LTV1: variants seen among roughly 807,000 people sequenced by gnomAD.
LTV1 encodes protein LTV1 homolog.
A neutral mutation model predicts 59.9 loss-of-function variants in LTV1; 39 were observed. The ratio of observed to expected loss-of-function variants is 0.65; its 90% CI spans 0.50 to 0.85. The LOEUF (loss-of-function observed/expected upper bound fraction) is 0.85, where lower values mean the gene tolerates loss of function less well. LTV1 is among the 40% of genes least tolerant of loss of function. LTV1 has a pLI of 0.00. For synonymous variants in LTV1, 171 were observed against 189.5 expected, an observed-to-expected ratio of 0.90 and a Z score of 0.80; for missense variants, 493 against 549.1, an observed-to-expected ratio of 0.90 and a Z score of 1.02.
At chr6:143,860,096 TAAAAAA>T (rs532911369) in intron 6 of LTV1, among the ~76,000 whole-genome samples, 1 of 151,846 alleles carries the variant, frequency 6.6e-6, no homozygotes, top group South Asian at 2.1e-4. Context: ...GTGAGATACT[TAAAAAA>T]AAGAAAAAGT....
chr6:143,849,062 C>T (rs1399230251), intron 3 of LTV1, among the ~76,000 whole-genome samples: 1 of 152,120 alleles, frequency 6.6e-6, no homozygotes, highest in East Asian at 1.9e-4. Context: ...AAATTGAGAC[C>T]TGTCAGAAAC....
chr6:143,843,604 G>A, intron 1 of LTV1, 124 bp downstream of exon 1: 1 of 1,291,142 alleles, frequency 7.7e-7, no homozygotes, highest in East Asian at 2.4e-5. Context: ...CTTGCGGCAC[G>A]GTACCCCGAA....
intron 3 of LTV1, among the ~76,000 whole-genome samples, chr6:143,848,652 G>T (rs1474864874): frequency 6.6e-6 from 1 of 152,190 alleles, no homozygotes; most frequent in African/African-American, 2.4e-5. Context: ...TTTGGTCAAG[G>T]AGAGGAAACA....
intron 4 of LTV1, among the ~76,000 whole-genome samples, chr6:143,851,517 T>C (rs1217693686): frequency 6.6e-6 from 1 of 152,222 alleles, no homozygotes; most frequent in African/African-American, 2.4e-5. Context: ...TATAGATGTT[T>C]AATGGAACAT....
intron 4 of LTV1, among the ~76,000 whole-genome samples, chr6:143,853,770 T>C (rs1777028504): frequency 6.6e-6 from 1 of 152,348 alleles, no homozygotes; most frequent in African/African-American, 2.4e-5. Context: ...ATGGATTACG[T>C]TGAACCAGCC....
At position 143,862,851 on chromosome 6, in the gene LTV1, C is replaced by A; in HGVS notation, c.1071C>A (p.Tyr357Ter). ...TTTTATTTGTTTGTTTAGGTACATACTCAAATTTATATAACCATCCACAGC... is the reference window on the plus strand; with the variant it reads ...TTTTATTTGTTTGTTTAGGTACATAATCAAATTTATATAACCATCCACAGC... Reference protein sequence around the residue: ...KWDCESICSTYSNLYNHPQLI... With the variant: ...KWDCESICST The change falls in exon 9 of 11, where the codon TAC (tyrosine) becomes TAA (stop). Residue 357 changes from tyrosine (Y) to a stop codon, truncating the protein, a stop_gained. Transcript: ENST00000367576. LOFTEE classifies it high-confidence loss of function. The surrounding 1 kb of genome is among the most constrained non-coding windows in gnomAD (Gnocchi z 4.2). The A allele has an allele frequency of 6.3e-7, 1 of 1,577,020 alleles. No homozygotes were observed. Among genetic ancestry groups the A allele is most frequent in the Non-Finnish European group, 8.7e-7 (1 of 1,146,482 alleles).
intron 4 of LTV1, among the ~76,000 whole-genome samples, chr6:143,851,052 G>A (rs1012762756): frequency 6.6e-6 from 1 of 152,106 alleles, no homozygotes; most frequent in Non-Finnish European, 1.5e-5. Flanking sequence ...ACCAGAGGAT[G>A]TTCCAGACAG....
chr6:143,847,658 G>T (rs530401899), intron 3 of LTV1, among the ~76,000 whole-genome samples: 1 of 152,226 alleles, frequency 6.6e-6, no homozygotes, highest in Non-Finnish European at 1.5e-5. Context: ...ACCGCGCCCG[G>T]TCGTATAAGA....
intron 4 of LTV1, among the ~76,000 whole-genome samples, chr6:143,856,887 T>C (rs1777084523): frequency 6.6e-6 from 1 of 152,152 alleles, no homozygotes; most frequent in African/African-American, 2.4e-5. Flanking sequence ...ATGGGAGGTG[T>C]CTCCTAGGCA....
rs371450989 is a variant in LTV1 at position 143,843,491 on chromosome 6, C to T, written c.3+11C>T. 8.1e-6 allele frequency: 13 copies of T among 1,613,440 alleles called. No homozygotes were observed. The highest frequency in any genetic ancestry group is 1.3e-5 in the African/African-American group (1 of 74,946). ...CGCGGCTGCAGCATGGTGAGCAAGCCTTGCTTGTTTCGGCGGCCGAGCGCT... is the reference window on the plus strand; with the variant it reads ...CGCGGCTGCAGCATGGTGAGCAAGCTTTGCTTGTTTCGGCGGCCGAGCGCT... On this transcript the variant is annotated intron_variant, in intron 1 of 10. Coordinates refer to ENST00000367576, the MANE Select transcript of LTV1 (RefSeq NM_032860.5).
chr6:143,848,035 A>T (rs1440097058), intron 3 of LTV1, among the ~76,000 whole-genome samples: 1 of 152,250 alleles, frequency 6.6e-6, no homozygotes, highest in Admixed American at 6.5e-5. Flanking sequence ...GGCAAATGTC[A>T]TGTAGTTGAG....
intron 4 of LTV1, among the ~76,000 whole-genome samples, chr6:143,854,042 G>A (rs1490933429): frequency 2.0e-5 from 3 of 152,168 alleles, no homozygotes; most frequent in African/African-American, 7.2e-5. Context: ...GCTCCTCTCT[G>A]TACCTCTGGT....
intron 3 of LTV1, among the ~76,000 whole-genome samples, chr6:143,847,789 A>G (rs890578276): frequency 6.6e-6 from 1 of 152,246 alleles, no homozygotes; most frequent in Non-Finnish European, 1.5e-5. Flanking sequence ...TTGTATTTAA[A>G]AACAGAAGTG....
rs1306331672 is a variant in LTV1, at chr6:143,863,750, G to A, written c.*223G>A. 1 of 363,328 alleles carries A rather than the reference G, an allele frequency of 2.8e-6. No individual in the cohort carries two copies. The highest frequency in any genetic ancestry group is 4.2e-5 in the Admixed American group (1 of 23,902). 22.5% of individuals were successfully genotyped at this position (363,328 alleles called of 1,614,324 possible). On this transcript the variant is annotated 3_prime_UTR_variant, in exon 11 of 11. Transcript: ENST00000367576. The surrounding 1 kb of genome is among the most constrained non-coding windows in gnomAD (Gnocchi z 4.5). ...ATTATAAGCTTACATTTGCTCTGAA[G>A]TAAATGACTTCATGAATGTGAAATG...
rs1777105235 is a variant in LTV1, at chr6:143,857,881, C to T, written c.669C>T (p.His223=). Residue 223 remains histidine, a synonymous_variant, in exon 6 of 11, where the codon CAC becomes CAT. Transcript: ENST00000367576. The surrounding 1 kb of genome is among the most constrained non-coding windows in gnomAD (Gnocchi z 5.2). The stretch of plus-strand genomic sequence containing the variant: ...GTATGTCTGTGCCCGGAAAAACTCA[C>T]AGAGCTATAGCAGATCACTTGTTCT... The part of the protein sequence containing the change: ...EDCMSVPGKT[H]RAIADHLFWS... 3 of 1,614,102 alleles carry T rather than the reference C, an allele frequency of 1.9e-6. No homozygotes were observed. The highest frequency in any genetic ancestry group is 1.7e-6 in the Non-Finnish European group (2 of 1,180,030).
chr6:143,860,601 AG>A, intron 7 of LTV1, 48 bp downstream of exon 7: 2 of 1,537,510 alleles, frequency 1.3e-6, no homozygotes, highest in Non-Finnish European at 1.7e-6. Context: ...TTTTTAAAAA[AG>A]AAAAAATTCC....
At position 143,850,200 on chromosome 6, in the gene LTV1, A is replaced by G; in HGVS notation, c.379A>G (p.Lys127Glu). 1 of 1,613,434 alleles carries G rather than the reference A, an allele frequency of 6.2e-7. No homozygotes were observed. The highest frequency in any genetic ancestry group is 8.5e-7 in the Non-Finnish European group (1 of 1,179,600). Residue 127 changes from lysine (K) to glutamate (E), a missense_variant, in exon 4 of 11, where the codon AAA (lysine) becomes GAA (glutamate). Coordinates refer to ENST00000367576, the MANE Select transcript of LTV1 (RefSeq NM_032860.5). The part of the protein sequence containing the change: ...EFEEDVGLLN[K>E]AAPVSGPRLD... ...TGAGGAAGATGTTGGATTGTTAAATAAAGCAGCTCCAGTTTCAGGTATTTT... is the reference window on the plus strand; with the variant it reads ...TGAGGAAGATGTTGGATTGTTAAATGAAGCAGCTCCAGTTTCAGGTATTTT...
chr6:143,848,921 T>G (rs1776939884), intron 3 of LTV1, among the ~76,000 whole-genome samples: 1 of 152,194 alleles, frequency 6.6e-6, no homozygotes, highest in South Asian at 2.1e-4. Flanking sequence ...GTAAAGTGTT[T>G]TGCATTATTA....
At position 143,862,062 on chromosome 6, in the gene LTV1, T is replaced by C; in HGVS notation, c.924-42T>C. The C allele has an allele frequency of 6.3e-7, 1 of 1,588,360 alleles. No individual in the cohort carries two copies. The highest frequency in any genetic ancestry group is 8.5e-7 in the Non-Finnish European group (1 of 1,169,840). ...TGACATAGTATAATAATAGGTCATT[T>C]TTCCCCCTCTTGGTCTTCACTTTTA... On this transcript the variant is annotated intron_variant, in intron 7 of 10. Coordinates refer to ENST00000367576, the MANE Select transcript of LTV1 (RefSeq NM_032860.5). This position sits in a 1 kb window ranked among gnomAD's most constrained non-coding sequence, Gnocchi z 4.2.
Sources: gnomAD v4.1 joint callset for allele counts (sites outside exome capture counted in the v4.1 genomes callset) on GRCh38, gnomAD v4.1.1 for gene constraint, Gnocchi (gnomAD v3.1) non-coding constraint, MANE v1.5 for transcripts, NCBI Gene and HGNC (gene_info 2026-07-23, HGNC 2026-07-21) for gene names.